CDH9: variants seen among roughly 807,000 people sequenced by gnomAD.
CDH9 encodes cadherin-9.
A neutral mutation model predicts 70.9 loss-of-function variants in CDH9; 28 were observed. The observed-to-expected ratio is 0.40, with a 90% confidence interval of 0.29 to 0.54. The LOEUF (loss-of-function observed/expected upper bound fraction) is 0.54, where lower values mean the gene tolerates loss of function less well. Among genes scored for constraint, CDH9 ranks in the 20% least tolerant of loss-of-function variants. The pLI, the probability that CDH9 is intolerant of heterozygous loss-of-function variation, is 0.59. For missense variants in CDH9, 874 were observed against 984.4 expected (o/e 0.89, Z 1.50); for synonymous variants, 409 against 343.1 (o/e 1.19, Z -2.12).
chr5:27,029,462 CAGAG>C (rs1210270829), intron 1 of CDH9, among the ~76,000 whole-genome samples: 1 of 151,760 alleles, frequency 6.6e-6, no homozygotes, highest in African/African-American at 2.4e-5. Context: ...AAAACAAAGT[CAGAG>C]AGAGAGAAAG....
chr5:26,893,713 G>T (rs1740700068), intron 7 of CDH9, among the ~76,000 whole-genome samples: 2 of 150,510 alleles, frequency 1.3e-5, no homozygotes, highest in African/African-American at 4.9e-5. Context: ...TTTTATTTTT[G>T]GAAGCAAATG....
At chr5:26,921,223 T>A (rs186765679) in intron 2 of CDH9, among the ~76,000 whole-genome samples, 49 of 151,822 alleles carry the variant, frequency 3.2e-4, no homozygotes, top group African/African-American at 1.0e-3. Context: ...AGATGGGAAG[T>A]ACCTATGCTG....
At chr5:26,927,137 G>T (rs925446207) in intron 2 of CDH9, among the ~76,000 whole-genome samples, 2 of 151,834 alleles carry the variant, frequency 1.3e-5, no homozygotes, top group Admixed American at 1.3e-4. Flanking sequence ...TGTATCAACA[G>T]AATAAAGGGA....
intron 3 of CDH9, among the ~76,000 whole-genome samples, chr5:26,913,922 A>G (rs1186350605): frequency 2.0e-5 from 3 of 152,072 alleles, no homozygotes; most frequent in South Asian, 2.1e-4. Flanking sequence ...AGAGTAAAAT[A>G]TAATAGTCCA....
rs553191369 is a variant in CDH9 at position 27,024,053 on chromosome 5, A to AAAAT, written c.-50+14406_-50+14409dup. 6.8e-3 allele frequency among the ~76,000 whole-genome samples: 1,027 copies of AAAAT among 151,984 alleles called. 4 individuals carry two copies. Among genetic ancestry groups the AAAAT allele is most frequent in the Non-Finnish European group, 0.01 (695 of 67,932 alleles). On this transcript the variant is annotated intron_variant, in intron 1 of 11. Transcript: ENST00000231021. The stretch of plus-strand genomic sequence containing the variant: ...GGTGACAAAGCTAGACTCTGTCTCA[A>AAAAT]AAATAAATAAATAAATAAATAAATA...
intron 2 of CDH9, among the ~76,000 whole-genome samples, chr5:26,971,104 T>C (rs574642580): frequency 1.3e-5 from 2 of 152,284 alleles, no homozygotes; most frequent in East Asian, 3.9e-4. Flanking sequence ...CTCTGCTTCT[T>C]TTCAGCTTTA....
At chr5:26,978,476 T>C (rs1025177425) in intron 2 of CDH9, among the ~76,000 whole-genome samples, 1 of 151,808 alleles carries the variant, frequency 6.6e-6, no homozygotes, top group African/African-American at 2.4e-5. Flanking sequence ...ACAGAGACAA[T>C]ATTATATTAA....
chr5:26,919,641 C>T (rs1227533084), intron 2 of CDH9, among the ~76,000 whole-genome samples: 2 of 152,078 alleles, frequency 1.3e-5, no homozygotes, highest in Non-Finnish European at 2.9e-5. Context: ...AACAGCACAA[C>T]TAGCACCTCT....
intron 2 of CDH9, among the ~76,000 whole-genome samples, chr5:26,952,087 C>A (rs1741855942): frequency 6.6e-6 from 1 of 150,406 alleles, no homozygotes; most frequent in African/African-American, 2.4e-5. Context: ...TTCAAGCCTC[C>A]CTAGTGGCTG....
chr5:26,973,467 C>T (rs1742254931), intron 2 of CDH9, among the ~76,000 whole-genome samples: 1 of 151,534 alleles, frequency 6.6e-6, no homozygotes, highest in African/African-American at 2.4e-5. Context: ...AAAAGATGTT[C>T]CTTGAAGATT....
chr5:26,970,467 A>G (rs778085930), intron 2 of CDH9, among the ~76,000 whole-genome samples: 15 of 152,096 alleles, frequency 9.9e-5, no homozygotes, highest in Admixed American at 2.0e-4. Context: ...GCATCTATGT[A>G]TACACATACA....
At chr5:26,987,123 CCTGATCTAATTTATGTGCCTGG>C (rs1435752458) in intron 2 of CDH9, among the ~76,000 whole-genome samples, 1 of 119,848 alleles carries the variant, frequency 8.3e-6, no homozygotes, top group Non-Finnish European at 1.7e-5. Flanking sequence ...TCATTTTTGG[CCTGATCTAATTTATGTGCCTGG>C]TGCTGTCAGT....
At chr5:26,951,368 C>T (rs1433876703) in intron 2 of CDH9, among the ~76,000 whole-genome samples, 2 of 148,224 alleles carry the variant, frequency 1.3e-5, no homozygotes, top group Non-Finnish European at 3.0e-5. Flanking sequence ...GAATAGATGT[C>T]CTAAAAACAA....
chr5:26,961,827 T>C (rs1742041664), intron 2 of CDH9, among the ~76,000 whole-genome samples: 1 of 151,838 alleles, frequency 6.6e-6, no homozygotes, highest in Non-Finnish European at 1.5e-5. Flanking sequence ...AGAAGCCCCC[T>C]TTTTTTTAAA....
At chr5:27,005,956 G>A (rs971396209) in intron 1 of CDH9, among the ~76,000 whole-genome samples, 5 of 151,994 alleles carry the variant, frequency 3.3e-5, no homozygotes, top group African/African-American at 1.2e-4. Context: ...TTATAAGTAG[G>A]AGCTAAATGA....
intron 2 of CDH9, among the ~76,000 whole-genome samples, chr5:26,971,515 G>A (rs1413568734): frequency 6.6e-6 from 1 of 152,148 alleles, no homozygotes; most frequent in East Asian, 1.9e-4. Context: ...AGAATTGAGT[G>A]AATCATTATC....
chr5:26,914,835 C>G (rs1284867659), intron 3 of CDH9, among the ~76,000 whole-genome samples: 1 of 151,898 alleles, frequency 6.6e-6, no homozygotes, highest in African/African-American at 2.4e-5. Flanking sequence ...GGCTGCAGAT[C>G]TTGTAAATTA....
chr5:27,013,074 A>C (rs1324828041), intron 1 of CDH9, among the ~76,000 whole-genome samples: 2 of 151,828 alleles, frequency 1.3e-5, no homozygotes, highest in Non-Finnish European at 1.5e-5. Context: ...TAAAATAATC[A>C]ATTTGGAGGT....
intron 1 of CDH9, among the ~76,000 whole-genome samples, chr5:27,033,939 A>AT (rs1470247714): frequency 6.6e-6 from 1 of 151,508 alleles, no homozygotes; most frequent in Non-Finnish European, 1.5e-5. Context: ...ACTTTGTTAT[A>AT]TGCATTATTT....
Sources: allele counts gnomAD v4.1 joint callset (sites outside exome capture counted in the v4.1 genomes callset), GRCh38; gene constraint gnomAD v4.1.1; transcripts MANE v1.5; gene names NCBI Gene and HGNC (gene_info 2026-07-23, HGNC 2026-07-21).